Variants in SULT2B1 observed in about 807,000 individuals in gnomAD.
SULT2B1 encodes sulfotransferase family 2B member 1, also known as sulfotransferase 2B1.
A neutral mutation model predicts 33.2 loss-of-function variants in SULT2B1; 16 were observed. The ratio of observed to expected loss-of-function variants is 0.48; its 90% confidence interval spans 0.33 to 0.73. The LOEUF is 0.73. Ranked by LOEUF, SULT2B1 falls within the 30% of genes least tolerant of loss-of-function variation. SULT2B1 has a pLI of 0.02. For missense variants in SULT2B1, 500 were observed against 506.0 expected (o/e 0.99, Z 0.11); for synonymous variants, 186 against 200.5 (o/e 0.93, Z 0.61).
intron 2 of SULT2B1, among the ~76,000 whole-genome samples, chr19:48,581,456 T>C (rs1344187058): frequency 6.7e-6 from 1 of 148,154 alleles, no homozygotes; most frequent in Non-Finnish European, 1.5e-5. Context: ...TGTTTTCTTA[T>C]CATTGAGATT....
chr19:48,567,434 C>T (rs9676465), intron 1 of SULT2B1, among the ~76,000 whole-genome samples: 14,973 of 151,984 alleles, frequency 0.099, 896 homozygotes, highest in Non-Finnish European at 0.14. Context: ...TGGTGGTGCA[C>T]GCCTGTAATC....
At chr19:48,577,071 T>C (rs1973423458) in intron 2 of SULT2B1, among the ~76,000 whole-genome samples, 1 of 125,610 alleles carries the variant, frequency 8.0e-6, no homozygotes, top group Admixed American at 9.5e-5. Context: ...AGTCTCTCTG[T>C]CGCCCAGGCT....
chr19:48,555,435 T>C (rs1389121234), intron 1 of SULT2B1, among the ~76,000 whole-genome samples: 1 of 152,132 alleles, frequency 6.6e-6, no homozygotes, highest in African/African-American at 2.4e-5. Context: ...GCTTGTTCCC[T>C]GCCACAGTGC....
intron 1 of SULT2B1, among the ~76,000 whole-genome samples, chr19:48,553,547 A>G (rs1395327748): frequency 1.3e-5 from 2 of 152,142 alleles, no homozygotes; most frequent in Non-Finnish European, 2.9e-5. Flanking sequence ...TCCTTGCCTC[A>G]GGTGATCCAC....
At chr19:48,590,369 A>G (rs903049965) in intron 3 of SULT2B1, among the ~76,000 whole-genome samples, 1 of 152,008 alleles carries the variant, frequency 6.6e-6, no homozygotes, top group Non-Finnish European at 1.5e-5. Context: ...GGGGAGGCCG[A>G]AGCAGATGGA....
rs147462211 is a variant in SULT2B1 at position 48,583,412 on chromosome 19, A to G, written c.215-3817A>G. Among the ~76,000 whole-genome samples, 714 of 152,354 alleles carry G rather than the reference A, an allele frequency of 4.7e-3. 5 individuals are homozygous for G. Among genetic ancestry groups the G allele is most frequent in the Non-Finnish European group, 7.1e-3 (480 of 68,028 alleles). ...TTTGTACACCAATGTTCATAGCCAC[A>G]TTATTTGCAATGACCAAAAGCTGAA... On this transcript the variant is annotated intron_variant, in intron 2 of 6. Coordinates refer to ENST00000201586, the MANE Select transcript of SULT2B1 (RefSeq NM_177973.2).
intron 2 of SULT2B1, among the ~76,000 whole-genome samples, chr19:48,576,409 C>T (rs1973410719): frequency 8.8e-6 from 1 of 113,048 alleles, no homozygotes; most frequent in African/African-American, 3.4e-5. Context: ...ATTGCCCAGG[C>T]TGGTCTTGAA....
intron 2 of SULT2B1, among the ~76,000 whole-genome samples, chr19:48,581,434 TTTGAA>T (rs1184017202): frequency 2.0e-5 from 3 of 151,382 alleles, no homozygotes; most frequent in Non-Finnish European, 4.4e-5. Flanking sequence ...TTTTTCCTCT[TTTGAA>T]TTGGATTGTT....
intron 1 of SULT2B1, among the ~76,000 whole-genome samples, chr19:48,563,032 A>G (rs1367235973): frequency 6.6e-6 from 1 of 152,114 alleles, no homozygotes; most frequent in African/African-American, 2.4e-5. Context: ...AAAAAAAGTT[A>G]AGCGGGAACT....
intron 1 of SULT2B1, among the ~76,000 whole-genome samples, chr19:48,567,750 G>A (rs553733561): frequency 2.0e-5 from 3 of 151,542 alleles, no homozygotes; most frequent in Admixed American, 1.3e-4. Flanking sequence ...TGGGAGGGTC[G>A]CTTGAGCTGA....
chr19:48,587,189 C>T, intron 2 of SULT2B1, 40 bp from the exon 3 acceptor site: 1 of 1,452,406 alleles, frequency 6.9e-7, no homozygotes, highest in Non-Finnish European at 9.5e-7. Flanking sequence ...CCTCTTCAGC[C>T]CTCCCACACC....
intron 1 of SULT2B1, among the ~76,000 whole-genome samples, chr19:48,572,567 G>A (rs573987758): frequency 3.3e-5 from 5 of 151,988 alleles, no homozygotes; most frequent in African/African-American, 1.2e-4. Flanking sequence ...GGTGGAAGGA[G>A]GAGATGGGAA....
intron 6 of SULT2B1, 145 bp downstream of exon 6, chr19:48,597,064 C>T (rs978822555): frequency 2.2e-5 from 21 of 975,926 alleles, no homozygotes; most frequent in Admixed American, 8.3e-5. Context: ...GGGTTGATCA[C>T]GCACGGGGCT....
chr19:48,552,888 C>T lies in SULT2B1; in HGVS notation c.71+565C>T, dbSNP rs977017956. Among the ~76,000 whole-genome samples, 2 of 152,070 alleles carry T rather than the reference C, an allele frequency of 1.3e-5. No individual in the cohort carries two copies. The highest frequency in any genetic ancestry group is 6.6e-5 in the Admixed American group (1 of 15,254). On this transcript the variant is annotated intron_variant, in intron 1 of 6. Coordinates refer to ENST00000201586, the MANE Select transcript of SULT2B1 (RefSeq NM_177973.2). This position sits in a 1 kb window ranked among gnomAD's most constrained non-coding sequence, Gnocchi z 4.8. ...GCACTGCCCACTTCCATGAGCTCAGCGTGACTCCCTCTTCCTGGGGATGAG... is the reference window on the plus strand; with the variant it reads ...GCACTGCCCACTTCCATGAGCTCAGTGTGACTCCCTCTTCCTGGGGATGAG...
At chr19:48,579,605 C>CTTACTTTCTTT (rs1555733737) in intron 2 of SULT2B1, among the ~76,000 whole-genome samples, 12 of 79,736 alleles carry the variant, frequency 1.5e-4, no homozygotes, top group Non-Finnish European at 2.7e-4. Flanking sequence ...TTCTTTCTTT[C>CTTACTTTCTTT]TTTTTTTTTT....
intron 2 of SULT2B1, among the ~76,000 whole-genome samples, chr19:48,582,311 A>G (rs774305192): frequency 6.6e-6 from 1 of 152,160 alleles, no homozygotes; most frequent in Admixed American, 6.6e-5. Flanking sequence ...GTGGTATTTC[A>G]TAACATAGGA....
chr19:48,555,749 T>C (rs527933054), intron 1 of SULT2B1, among the ~76,000 whole-genome samples: 1 of 151,814 alleles, frequency 6.6e-6, no homozygotes, highest in Non-Finnish European at 1.5e-5. Context: ...TAATTTTTGT[T>C]TTTTTTTGGA....
intron 1 of SULT2B1, among the ~76,000 whole-genome samples, chr19:48,555,079 G>A (rs565322333): frequency 6.6e-6 from 1 of 151,914 alleles, no homozygotes; most frequent in Non-Finnish European, 1.5e-5. Flanking sequence ...GTGCCACTGC[G>A]CCCAGTTAAT....
At chr19:48,553,456 C>T (rs533009440) in intron 1 of SULT2B1, among the ~76,000 whole-genome samples, 53 of 152,210 alleles carry the variant, frequency 3.5e-4, no homozygotes, top group African/African-American at 1.0e-3. Flanking sequence ...TACAGGAGCC[C>T]GCCACCATGC....
Sources: allele counts gnomAD v4.1 joint callset (sites outside exome capture counted in the v4.1 genomes callset), GRCh38; gene constraint gnomAD v4.1.1; non-coding constraint Gnocchi (gnomAD v3.1); transcripts MANE v1.5; gene names NCBI Gene and HGNC (gene_info 2026-07-23, HGNC 2026-07-21).